Variants in CCSER1 observed in about 807,000 individuals in gnomAD.
CCSER1 encodes serine-rich coiled-coil domain-containing protein 1.
In CCSER1, 41 loss-of-function variants were observed where a neutral mutation model predicts 82.0. The observed-to-expected ratio is 0.50, with a 90% CI of 0.39 to 0.65. The LOEUF is 0.65. CCSER1 is among the 30% of genes least tolerant of loss of function. The probability of loss-of-function intolerance (pLI) is 0.00; values close to 1 mark genes in which losing one functional copy is unlikely to be tolerated. For missense variants in CCSER1, 1,119 were observed against 1,064.2 expected (o/e 1.05, Z -0.72); for synonymous variants, 414 against 383.9 (o/e 1.08, Z -0.92).
rs1344308609 is a variant in CCSER1, at chr4:90,668,093, G to A, written c.1932+39861G>A. Among the ~76,000 whole-genome samples the A allele has an allele frequency of 2.6e-5, 4 of 152,100 alleles. No homozygotes were observed. The East Asian group carries it at 7.7e-4, about 29-fold the overall frequency. On this transcript the variant is annotated intron_variant, in intron 6 of 10. Coordinates refer to ENST00000509176, the MANE Select transcript of CCSER1 (RefSeq NM_001145065.2). ...TGGTAGATCTAAAGATGCCAATCCTGGTAATGTAAACTTGCCTGTTGGATT... is the reference window on the plus strand; with the variant it reads ...TGGTAGATCTAAAGATGCCAATCCTAGTAATGTAAACTTGCCTGTTGGATT...
At chr4:90,498,146 T>C (rs1423028574) in intron 5 of CCSER1, among the ~76,000 whole-genome samples, 1 of 152,144 alleles carries the variant, frequency 6.6e-6, no homozygotes, top group Admixed American at 6.6e-5. Context: ...TGCTATGTTT[T>C]TGCCTATACA....
rs575792772 is a variant in CCSER1, at chr4:91,465,938, G to A, written c.2218-132634G>A. Among the ~76,000 whole-genome samples the A allele has an allele frequency of 4.9e-4, 74 of 152,236 alleles. No homozygotes were observed. The Middle Eastern group carries it at 0.01, about 21-fold the overall frequency. ...CTACCAGAGGTACAAGGAGGAGCTG[G>A]TACCATTCTTTCTGAAACTATTCCA... On this transcript the variant is annotated intron_variant, in intron 10 of 10. Transcript: ENST00000509176.
In CCSER1 at chr4:90,532,770, A is replaced by G. The variant is rs75427594; in HGVS notation, c.1724+64416A>G. Among the ~76,000 whole-genome samples, 1,076 of 152,200 alleles carry G rather than the reference A, an allele frequency of 7.1e-3. 6 individuals are homozygous for G. The highest frequency in any genetic ancestry group is 0.018 in the African/African-American group (739 of 41,526). ...AATTAGTTTTACATTTCCCTAGGAT[A>G]TTTTTGTAGCTTTATATCTCTAGAC... On this transcript the variant is annotated intron_variant, in intron 5 of 10. Coordinates refer to ENST00000509176, the MANE Select transcript of CCSER1 (RefSeq NM_001145065.2).
intron 5 of CCSER1, among the ~76,000 whole-genome samples, chr4:90,617,407 T>A (rs947960520): frequency 6.6e-6 from 1 of 152,180 alleles, no homozygotes; most frequent in Admixed American, 6.5e-5. Context: ...GTGTTTCTGC[T>A]GCTTGTGTAA....
At chr4:90,410,990 T>G (rs992163280) in intron 4 of CCSER1, among the ~76,000 whole-genome samples, 6 of 152,112 alleles carry the variant, frequency 3.9e-5, no homozygotes, top group Non-Finnish European at 5.9e-5. Flanking sequence ...GAGAATACTA[T>G]AAACACCTCT....
chr4:91,577,859 AAAC>A (rs1428191197), intron 10 of CCSER1, among the ~76,000 whole-genome samples: 3 of 152,034 alleles, frequency 2.0e-5, no homozygotes, highest in Non-Finnish European at 1.5e-5. Context: ...GCTTTTTGGT[AAAC>A]AAATTCATTT....
intron 6 of CCSER1, among the ~76,000 whole-genome samples, chr4:90,633,475 T>G (rs1724834831): frequency 6.6e-6 from 1 of 151,980 alleles, no homozygotes; most frequent in South Asian, 2.1e-4. Flanking sequence ...ATGCAGTAGA[T>G]GGCTATGGTA....
chr4:90,939,779 T>C (rs1731377825), intron 9 of CCSER1, among the ~76,000 whole-genome samples: 1 of 152,142 alleles, frequency 6.6e-6, no homozygotes, highest in Admixed American at 6.5e-5. Flanking sequence ...GGTATTAAAA[T>C]AAAAACTATA....
At chr4:90,629,710 G>A (rs950071170) in intron 6 of CCSER1, among the ~76,000 whole-genome samples, 1 of 152,084 alleles carries the variant, frequency 6.6e-6, no homozygotes, top group African/African-American at 2.4e-5. Flanking sequence ...CTTTGTTTCT[G>A]GATATTCTGG....
chr4:91,584,034 C>T (rs1266516560), intron 10 of CCSER1, among the ~76,000 whole-genome samples: 1 of 151,344 alleles, frequency 6.6e-6, no homozygotes, highest in African/African-American at 2.4e-5. Context: ...TTAAAATTGT[C>T]TGAGATATTA....
chr4:91,066,532 T>A (rs1267497313), intron 9 of CCSER1, among the ~76,000 whole-genome samples: 6 of 152,146 alleles, frequency 3.9e-5, no homozygotes, highest in African/African-American at 1.4e-4. Flanking sequence ...AGTAAAAGAA[T>A]AACCAGAGAA....
intron 1 of CCSER1, among the ~76,000 whole-genome samples, chr4:90,192,050 C>T (rs1416551108): frequency 2.0e-5 from 3 of 151,966 alleles, no homozygotes; most frequent in Non-Finnish European, 4.4e-5. Context: ...TCCGTTTTCA[C>T]GCTGCTGATA....
chr4:90,572,634 A>AT (rs570932860), intron 5 of CCSER1, among the ~76,000 whole-genome samples: 4 of 149,772 alleles, frequency 2.7e-5, no homozygotes, highest in Admixed American at 6.6e-5. Context: ...TTTCTACTGC[A>AT]TTTTTTTCAT....
intron 6 of CCSER1, among the ~76,000 whole-genome samples, chr4:90,701,256 C>A (rs553485238): frequency 2.6e-5 from 4 of 152,212 alleles, no homozygotes; most frequent in African/African-American, 7.2e-5. Context: ...TTCCCCATTT[C>A]TTGTTTTTGT....
At chr4:90,659,964 G>A (rs1730446202) in intron 6 of CCSER1, among the ~76,000 whole-genome samples, 1 of 151,260 alleles carries the variant, frequency 6.6e-6, no homozygotes, top group Non-Finnish European at 1.5e-5. Context: ...TTTTAGTGAG[G>A]TTTTTTGTTG....
At chr4:90,387,812 C>T (rs766697173) in intron 3 of CCSER1, among the ~76,000 whole-genome samples, 14 of 152,158 alleles carry the variant, frequency 9.2e-5, no homozygotes, top group Non-Finnish European at 1.5e-4. Flanking sequence ...AGTTTCTACC[C>T]TATGTGTCTT....
At chr4:91,198,424 C>A (rs1383557046) in intron 10 of CCSER1, among the ~76,000 whole-genome samples, 2 of 151,784 alleles carry the variant, frequency 1.3e-5, no homozygotes, top group East Asian at 3.9e-4. Flanking sequence ...ATCAGGGTTG[C>A]AAAACATAAA....
chr4:91,079,017 C>T (rs1370520004), intron 9 of CCSER1, among the ~76,000 whole-genome samples: 1 of 152,136 alleles, frequency 6.6e-6, no homozygotes, highest in African/African-American at 2.4e-5. Context: ...GGATATCATC[C>T]AGGAGAACTT....
chr4:91,379,450 G>C (rs1011490080), intron 10 of CCSER1, among the ~76,000 whole-genome samples: 4 of 152,088 alleles, frequency 2.6e-5, no homozygotes, highest in African/African-American at 9.7e-5. Flanking sequence ...GGTCTATTCA[G>C]GGATTCAACT....
Sources: allele counts gnomAD v4.1 joint callset (sites outside exome capture counted in the v4.1 genomes callset), GRCh38; gene constraint gnomAD v4.1.1; transcripts MANE v1.5; gene names NCBI Gene and HGNC (gene_info 2026-07-23, HGNC 2026-07-21).